Variants in GRM4 observed in about 807,000 individuals in gnomAD.
GRM4 encodes metabotropic glutamate receptor 4.
In GRM4, 28 loss-of-function variants were observed where a neutral mutation model predicts 81.7. That is an observed-to-expected ratio of 0.34 (90% CI 0.25 to 0.47). The LOEUF (loss-of-function observed/expected upper bound fraction) is 0.47. Among genes scored for constraint, GRM4 ranks in the 20% least tolerant of loss-of-function variants. The pLI, the probability that GRM4 is intolerant of heterozygous loss-of-function variation, is 1.00. For missense variants in GRM4, 948 were observed against 1,290.0 expected (o/e 0.73, Z 4.06); for synonymous variants, 488 against 528.8 (o/e 0.92, Z 1.06).
rs1763775194 is a variant in GRM4, at chr6:34,018,904, G to A, written c.*3917C>T. On this transcript the variant is annotated 3_prime_UTR_variant, in exon 11 of 11. Transcript: ENST00000538487. Reference sequence around the variant, plus strand: ...TCCAGGGCAGGCAGGATGACAGAAGGAGCCCTCAGTGCCAGGGGAGTGCCT... The same window carrying A: ...TCCAGGGCAGGCAGGATGACAGAAGAAGCCCTCAGTGCCAGGGGAGTGCCT... 2 of 152,498 alleles carry A rather than the reference G, an allele frequency of 1.3e-5. No individual in the cohort carries two copies. The highest frequency in any genetic ancestry group is 6.5e-5 in the Admixed American group (1 of 15,288). The allele number at this position is 152,498 out of a possible 1,614,324, so 9.4% of individuals were successfully genotyped here. A position where few individuals can be genotyped will look rare whatever the true frequency, so the allele number is the denominator to read the frequency against.
chr6:34,118,846 GCCTGTCACACAT>G (rs757686418), intron 2 of GRM4, among the ~76,000 whole-genome samples: 57 of 152,256 alleles, frequency 3.7e-4, no homozygotes, highest in Non-Finnish European at 7.2e-4. Context: ...AAAATTGAGG[GCCTGTCACACAT>G]CTTCAGTAAA....
At chr6:34,075,439 A>G (rs1209540630) in intron 3 of GRM4, among the ~76,000 whole-genome samples, 5 of 152,032 alleles carry the variant, frequency 3.3e-5, no homozygotes, top group African/African-American at 4.8e-5. Flanking sequence ...TCACGTCTCT[A>G]TCTGCCCAAC....
At chr6:34,144,691 A>C (rs1770849348) in intron 1 of GRM4, among the ~76,000 whole-genome samples, 1 of 151,470 alleles carries the variant, frequency 6.6e-6, no homozygotes, top group South Asian at 2.1e-4. Flanking sequence ...AGGTGCAAAT[A>C]ATGCCCCGCG....
intron 8 of GRM4, among the ~76,000 whole-genome samples, chr6:34,039,156 T>C (rs1764871969): frequency 6.6e-6 from 1 of 152,146 alleles, no homozygotes; most frequent in Admixed American, 6.5e-5. Flanking sequence ...GAACAGGCTG[T>C]TCCTGCCACA....
rs1183248703 is a variant in GRM4, at chr6:34,074,739, T to G, written c.737-12711A>C. Among the ~76,000 whole-genome samples the G allele has an allele frequency of 6.6e-6, 1 of 152,188 alleles. No homozygotes were observed. Among genetic ancestry groups the G allele is most frequent in the Non-Finnish European group, 1.5e-5 (1 of 68,028 alleles). ...CACAAACCCACTTAGGCAAAACACC[T>G]TTGAAGCGAGAAAGGCGGAAAAATA... On this transcript the variant is annotated intron_variant, in intron 3 of 10. Coordinates refer to ENST00000538487, the MANE Select transcript of GRM4 (RefSeq NM_000841.4). The surrounding 1 kb of genome is among the most constrained non-coding windows in gnomAD (Gnocchi z 4.9).
At chr6:34,037,911 AGGGATGCCTCGT>A (rs1179050476) in intron 8 of GRM4, among the ~76,000 whole-genome samples, 1 of 151,194 alleles carries the variant, frequency 6.6e-6, no homozygotes, top group Admixed American at 6.6e-5. Context: ...GTGGGTAAGT[AGGGATGCCTCGT>A]GGCAAGGTAG....
intron 3 of GRM4, among the ~76,000 whole-genome samples, chr6:34,067,789 C>T (rs1011519253): frequency 2.6e-5 from 4 of 151,760 alleles, no homozygotes; most frequent in South Asian, 2.1e-4. Context: ...GACAGTGCTC[C>T]GGGTCAGCCT....
At chr6:34,075,451 C>A (rs1767264207) in intron 3 of GRM4, among the ~76,000 whole-genome samples, 1 of 152,206 alleles carries the variant, frequency 6.6e-6, no homozygotes, top group African/African-American at 2.4e-5. Flanking sequence ...CTGCCCAACC[C>A]CATCCAGCCC....
At chr6:34,071,574 A>C (rs1766857576) in intron 3 of GRM4, among the ~76,000 whole-genome samples, 1 of 135,376 alleles carries the variant, frequency 7.4e-6, no homozygotes, top group Non-Finnish European at 1.6e-5. Flanking sequence ...AACACCACAC[A>C]CACACACACA....
chr6:34,062,356 T>A (rs966237666), intron 3 of GRM4: 3 of 275,958 alleles, frequency 1.1e-5, no homozygotes, highest in South Asian at 2.2e-4. Flanking sequence ...TGCCACTTAC[T>A]GCTGTGTGAC....
chr6:34,088,385 G>A (rs1768022743), intron 3 of GRM4, among the ~76,000 whole-genome samples: 1 of 152,172 alleles, frequency 6.6e-6, no homozygotes. Context: ...GCCTCCCAAA[G>A]TGCTGGGATT....
chr6:34,038,612 C>T (rs1764833650), intron 8 of GRM4, among the ~76,000 whole-genome samples: 1 of 152,102 alleles, frequency 6.6e-6, no homozygotes, highest in South Asian at 2.1e-4. Context: ...GCCCTCACAG[C>T]ACAGCCCAAA....
Position 34,056,573 on chromosome 6 carries a change from T to C in GRM4, c.1139A>G (p.Lys380Arg), listed in dbSNP as rs778258328. ...GCACTTCTTGACGTGGCTGCCCTTC[T>C]TGAGGGCGTGGCGGCTCAGCTTGCA... ...FHCKLSRHAL[K>R]KGSHVKKCTN... Residue 380 changes from lysine to arginine, a missense_variant, in exon 6 of 11, where the codon AAG (lysine) becomes AGG (arginine). Lys to Arg is a conservative substitution (Grantham distance 26). Transcript: ENST00000538487. 3 of 1,613,484 alleles carry C rather than the reference T, an allele frequency of 1.9e-6. No homozygotes were observed. Among genetic ancestry groups the C allele is most frequent in the Admixed American group, 1.7e-5 (1 of 60,008 alleles).
chr6:34,095,786 T>C (rs556354379), intron 2 of GRM4, among the ~76,000 whole-genome samples: 2 of 152,186 alleles, frequency 1.3e-5, no homozygotes, highest in Non-Finnish European at 2.9e-5. Context: ...GGGAATGCTA[T>C]TGGGCTCTCC....
At chr6:34,072,190 C>T (rs1766940409) in intron 3 of GRM4, among the ~76,000 whole-genome samples, 1 of 145,416 alleles carries the variant, frequency 6.9e-6, no homozygotes, top group African/African-American at 2.5e-5. Context: ...ATACACACCA[C>T]ACACAGACAC....
At position 34,035,820 on chromosome 6, in the gene GRM4, T is replaced by C; in HGVS notation, c.2290A>G (p.Met764Val). The change falls in exon 9 of 11, where the codon ATG (methionine) becomes GTG (valine). Residue 764 changes from methionine to valine, a missense_variant. Coordinates refer to ENST00000538487, the MANE Select transcript of GRM4 (RefSeq NM_000841.4). The surrounding 1 kb of genome is among the most constrained non-coding windows in gnomAD (Gnocchi z 6.6). ...ICLLGYSMLL[M>V]VTCTVYAIKT... is the part of the protein sequence containing the mutation. ...ATGGCATACACGGTGCACGTGACCA[T>C]GAGCAGCATGCTGTAGCCCAGCAGG... 1 of 1,613,646 alleles carries C rather than the reference T, an allele frequency of 6.2e-7. No individual in the cohort carries two copies. The highest frequency in any genetic ancestry group is 8.5e-7 in the Non-Finnish European group (1 of 1,179,608).
At position 34,022,758 on chromosome 6, in the gene GRM4, T is replaced by C. The variant is rs1467633656; in HGVS notation, c.*63A>G. 6.9e-7 allele frequency: 1 copy of C among 1,444,456 alleles called. No individual in the cohort carries two copies. Among genetic ancestry groups the C allele is most frequent in the Non-Finnish European group, 9.7e-7 (1 of 1,025,938 alleles). The allele number at this position is 1,444,456 out of a possible 1,614,324, so 89.5% of individuals were successfully genotyped here. A position where few individuals can be genotyped will look rare whatever the true frequency, so the allele number is the denominator to read the frequency against. ...ACAGCTGGGCCCTTGGGTGTGGCCC[T>C]GGCCCGACGCACCTTCCACAGGGTC... On this transcript the variant is annotated 3_prime_UTR_variant, in exon 11 of 11. Transcript: ENST00000538487. The surrounding 1 kb of genome is among the most constrained non-coding windows in gnomAD (Gnocchi z 5.6).
At chr6:34,150,147 A>G (rs1242690871), upstream of GRM4, among the ~76,000 whole-genome samples, 2 of 152,096 alleles carry the variant, frequency 1.3e-5, no homozygotes, top group Non-Finnish European at 2.9e-5. Context: ...GGGCTTTCCC[A>G]GGTACACAGC....
chr6:34,129,016 A>G lies in GRM4; in HGVS notation c.519+3962T>C, dbSNP rs182358548. Among the ~76,000 whole-genome samples the G allele has an allele frequency of 1.2e-3, 156 of 134,506 alleles. 1 individual carries two copies. Among genetic ancestry groups the G allele is most frequent in the East Asian group, 0.01 (49 of 4,742 alleles). 88.2% of individuals were successfully genotyped at this position (134,506 alleles called of 152,430 possible). A position where few individuals can be genotyped will look rare whatever the true frequency, so the allele number is the denominator to read the frequency against. ...CCCCGAACAATGACTTTTCAGGAAA[A>G]GGTATTTTTTTTTTTTGAGATGGAG... On this transcript the variant is annotated intron_variant, in intron 2 of 10. Coordinates refer to ENST00000538487, the MANE Select transcript of GRM4 (RefSeq NM_000841.4).
Sources: allele counts gnomAD v4.1 joint callset (sites outside exome capture counted in the v4.1 genomes callset), GRCh38; gene constraint gnomAD v4.1.1; non-coding constraint Gnocchi (gnomAD v3.1); transcripts MANE v1.5; gene names NCBI Gene and HGNC (gene_info 2026-07-23, HGNC 2026-07-21).